PCNX2: variants seen among roughly 807,000 people sequenced by gnomAD.
PCNX2 encodes the protein pecanex 2.
PCNX2 carries 168 observed loss-of-function variants against 223.8 expected under a neutral mutation model. That is an observed-to-expected ratio of 0.75 (90% CI 0.66 to 0.85). The LOEUF (loss-of-function observed/expected upper bound fraction) is 0.85, where lower values mean the gene tolerates loss of function less well. PCNX2 is among the 40% of genes least tolerant of loss of function. The probability of loss-of-function intolerance (pLI) is 0.00; values close to 1 mark genes in which losing one functional copy is unlikely to be tolerated. For missense variants in PCNX2, 2,507 were observed against 2,675.5 expected (o/e 0.94, Z 1.39); for synonymous variants, 1,006 against 1,052.6 (o/e 0.96, Z 0.86).
rs1020120547 is a variant in PCNX2, at chr1:233,293,589, G to A, written c.153+1737C>T. Reference sequence around the variant, plus strand: ...ATAGTAAATACAGAATGGTATAAGGGCAAGGGAGAAGAGAAATTAATTCTA... The same window carrying A: ...ATAGTAAATACAGAATGGTATAAGGACAAGGGAGAAGAGAAATTAATTCTA... On this transcript the variant is annotated intron_variant, in intron 1 of 33. Transcript: ENST00000258229. 9.8e-5 allele frequency among the ~76,000 whole-genome samples: 15 copies of A among 152,334 alleles called. No individual in the cohort carries two copies. The Middle Eastern group carries it at 0.01, about 104-fold the overall frequency.
At chr1:233,157,678 G>T (rs1353149044) in intron 19 of PCNX2, among the ~76,000 whole-genome samples, 1 of 152,144 alleles carries the variant, frequency 6.6e-6, no homozygotes, top group Non-Finnish European at 1.5e-5. Context: ...AAAAAATGAA[G>T]AGTCAAAACC....
chr1:233,174,658 TC>T (rs1229240066), intron 17 of PCNX2, among the ~76,000 whole-genome samples: 1 of 152,078 alleles, frequency 6.6e-6, no homozygotes, highest in Non-Finnish European at 1.5e-5. Flanking sequence ...TTTTTTTGTT[TC>T]TAGGAACTGA....
At chr1:233,138,432 A>T (rs1312531773) in intron 20 of PCNX2, among the ~76,000 whole-genome samples, 1 of 152,182 alleles carries the variant, frequency 6.6e-6, no homozygotes, top group Non-Finnish European at 1.5e-5. Context: ...TCAATTTCCC[A>T]GAGTGGCACT....
At chr1:233,302,232 T>C in the PCNX2 span, among the ~76,000 whole-genome samples, 5 of 152,250 alleles carry the variant, frequency 3.3e-5, no homozygotes, top group Non-Finnish European at 5.9e-5. Flanking sequence ...TTTAATAATT[T>C]TAGATCTAAT....
intron 10 of PCNX2, among the ~76,000 whole-genome samples, chr1:233,219,551 C>T (rs1558357703): frequency 6.6e-6 from 1 of 151,996 alleles, no homozygotes; most frequent in African/African-American, 2.4e-5. Context: ...TTTTTCTACC[C>T]CACTAAGCTG....
chr1:233,307,749 G>A, the PCNX2 span, among the ~76,000 whole-genome samples: 40 of 152,130 alleles, frequency 2.6e-4, no homozygotes, highest in Non-Finnish European at 4.9e-4. Flanking sequence ...AATCATTCCC[G>A]TTTTACAAGC....
intron 1 of PCNX2, among the ~76,000 whole-genome samples, chr1:233,278,834 C>G (rs917709820): frequency 1.3e-5 from 2 of 152,152 alleles, no homozygotes; most frequent in African/African-American, 4.8e-5. Context: ...TTCCTCTTTA[C>G]AGTATCATTT....
intron 15 of PCNX2, among the ~76,000 whole-genome samples, chr1:233,182,222 T>C (rs940092291): frequency 3.3e-5 from 5 of 152,218 alleles, no homozygotes; most frequent in Admixed American, 1.3e-4. Flanking sequence ...GAGGGGTCAA[T>C]GCAGCCCCCA....
chr1:233,107,888 G>A (rs1674890908), intron 21 of PCNX2, among the ~76,000 whole-genome samples: 1 of 152,132 alleles, frequency 6.6e-6, no homozygotes, highest in African/African-American at 2.4e-5. Flanking sequence ...ACAAATTACA[G>A]GTCATAAAGA....
chr1:233,064,622 C>G (rs908052992), intron 23 of PCNX2, among the ~76,000 whole-genome samples: 20 of 152,314 alleles, frequency 1.3e-4, no homozygotes. Flanking sequence ...ACCCACCACC[C>G]ACCCCATTCT....
At position 233,161,339 on chromosome 1, in the gene PCNX2, TG is replaced by T; in HGVS notation, c.3297del (p.Ile1100SerfsTer40). On this transcript the variant is annotated frameshift_variant, in exon 18 of 34. Transcript: ENST00000258229. LOFTEE classifies it high-confidence loss of function. ...DSVTDVLKWD[L>X]IVCAVVAVLS... is the part of the protein sequence containing the mutation. ...AGGACAGCAACCACTGCGCAGACGA[TG>T]AGATCCCATTTTAAGACATCCGTCT... 1 of 1,613,770 alleles carries T rather than the reference TG, an allele frequency of 6.2e-7. No homozygotes were observed. Among genetic ancestry groups the T allele is most frequent in the Non-Finnish European group, 8.5e-7 (1 of 1,179,782 alleles).
intron 25 of PCNX2, among the ~76,000 whole-genome samples, chr1:233,044,796 G>A (rs1164164780): frequency 6.6e-6 from 1 of 151,824 alleles, no homozygotes; most frequent in Non-Finnish European, 1.5e-5. Flanking sequence ...AACCTCCCGA[G>A]TAGCTGTGAT....
chr1:233,190,569 A>G (rs889502553), intron 15 of PCNX2, among the ~76,000 whole-genome samples: 1 of 152,192 alleles, frequency 6.6e-6, no homozygotes. Flanking sequence ...TTTACTACAG[A>G]CTATAGTATT....
chr1:233,042,232 C>T (rs1671668382), intron 25 of PCNX2, among the ~76,000 whole-genome samples: 2 of 152,178 alleles, frequency 1.3e-5, no homozygotes, highest in Non-Finnish European at 2.9e-5. Context: ...GCCATATTTT[C>T]TCTCTTCTCT....
At chr1:233,019,114 A>G (rs1670787145) in intron 26 of PCNX2, 2 of 985,096 alleles carry the variant, frequency 2.0e-6, no homozygotes, top group Non-Finnish European at 2.4e-6. Flanking sequence ...TTAGCAGGTG[A>G]AGAGACAGTC....
chr1:233,284,729 A>G (rs1661357094), intron 1 of PCNX2, among the ~76,000 whole-genome samples: 1 of 152,180 alleles, frequency 6.6e-6, no homozygotes. Context: ...TTAGTCTCTC[A>G]GGCACAGGGT....
chr1:233,003,703 G>A (rs1358441858), intron 28 of PCNX2, among the ~76,000 whole-genome samples: 2 of 152,114 alleles, frequency 1.3e-5, no homozygotes, highest in African/African-American at 2.4e-5. Context: ...ACATGCACAC[G>A]TATGTTTACT....
chr1:233,018,917 G>A (rs1670780438), intron 26 of PCNX2: 3 of 985,288 alleles, frequency 3.0e-6, no homozygotes, highest in African/African-American at 3.5e-5. Context: ...AACGAATATT[G>A]GGTGGACGGA....
At chr1:233,014,878 G>A (rs529921543) in intron 27 of PCNX2, 101 bp from the exon 28 acceptor site, 17 of 862,158 alleles carry the variant, frequency 2.0e-5, no homozygotes, top group South Asian at 1.6e-4. Flanking sequence ...AGTCAGCCAC[G>A]TGGTCATCCA....
Sources: gnomAD v4.1 joint callset for allele counts (sites outside exome capture counted in the v4.1 genomes callset) on GRCh38, gnomAD v4.1.1 for gene constraint, MANE v1.5 for transcripts, NCBI Gene and HGNC (gene_info 2026-07-23, HGNC 2026-07-21) for gene names.